CRISPLD2: variants seen among roughly 807,000 people sequenced by gnomAD.
CRISPLD2 encodes the protein cysteine-rich secretory protein LCCL domain-containing 2.
Under a neutral mutation model 71.1 loss-of-function variants are expected in CRISPLD2, and 47 were observed. The observed-to-expected ratio is 0.66, with a 90% CI of 0.52 to 0.84. CRISPLD2 has a LOEUF of 0.84. Ranked by LOEUF, CRISPLD2 falls within the 40% of genes least tolerant of loss-of-function variation. The pLI, the probability that CRISPLD2 is intolerant of heterozygous loss-of-function variation, is 0.00. For missense variants in CRISPLD2, 830 were observed against 651.1 expected (o/e 1.27, Z -2.99); for synonymous variants, 317 against 250.1 (o/e 1.27, Z -2.52).
chr16:84,906,701 T>C lies in CRISPLD2; in HGVS notation c.*59T>C. 1 of 1,590,218 alleles carries C rather than the reference T, an allele frequency of 6.3e-7. No homozygotes were observed. Among genetic ancestry groups the C allele is most frequent in the Non-Finnish European group, 8.6e-7 (1 of 1,158,362 alleles). ...GGAGGGCTTCGGGGTTTTGCTTTTA[T>C]TTTTATTTTGTCATTGCGGGGTATA... is the stretch of plus-strand genomic sequence containing the variant. On this transcript the variant is annotated 3_prime_UTR_variant, in exon 15 of 15. Transcript: ENST00000262424.
chr16:84,827,041 G>C (rs1010905002), intron 1 of CRISPLD2, among the ~76,000 whole-genome samples: 1 of 151,996 alleles, frequency 6.6e-6, no homozygotes, highest in African/African-American at 2.4e-5. Flanking sequence ...AGCCGTCTCT[G>C]TACCGGCAGA....
chr16:84,858,953 T>C (rs1917312868), intron 6 of CRISPLD2, among the ~76,000 whole-genome samples: 1 of 152,238 alleles, frequency 6.6e-6, no homozygotes, highest in Non-Finnish European at 1.5e-5. Flanking sequence ...AAGATCCATC[T>C]ATCTTCTGCA....
chr16:84,906,836 T>G lies in CRISPLD2; in HGVS notation c.*194T>G. On this transcript the variant is annotated 3_prime_UTR_variant, in exon 15 of 15. Coordinates refer to ENST00000262424, the MANE Select transcript of CRISPLD2 (RefSeq NM_031476.4). ...CTGAAGCAACAGCATCCCAAGGTGC[T>G]CAGCCGGACTCCCTGGTGCCTGATC... 2 of 689,998 alleles carry G rather than the reference T, an allele frequency of 2.9e-6. No homozygotes were observed. Among genetic ancestry groups the G allele is most frequent in the South Asian group, 3.2e-5 (2 of 62,560 alleles). The allele number at this position is 689,998 out of a possible 1,614,324, so 42.7% of individuals were successfully genotyped here. A position where few individuals can be genotyped will look rare whatever the true frequency, so the allele number is the denominator to read the frequency against.
chr16:84,864,214 G>A (rs181314693), intron 6 of CRISPLD2, among the ~76,000 whole-genome samples: 1 of 152,248 alleles, frequency 6.6e-6, no homozygotes, highest in Admixed American at 6.5e-5. Flanking sequence ...CCCCAGGCCC[G>A]TGCTGGGCCA....
chr16:84,844,891 C>A (rs1462795321), intron 2 of CRISPLD2, among the ~76,000 whole-genome samples: 1 of 152,170 alleles, frequency 6.6e-6, no homozygotes, highest in Non-Finnish European at 1.5e-5. Flanking sequence ...CATTACTGCT[C>A]ACAGTGAGGG....
chr16:84,831,945 G>A (rs1236278541), intron 1 of CRISPLD2, among the ~76,000 whole-genome samples: 1 of 152,172 alleles, frequency 6.6e-6, no homozygotes, highest in Admixed American at 6.5e-5. Context: ...ACATTGGCCA[G>A]GCTGCTCTTG....
intron 1 of CRISPLD2, 67 bp from the exon 2 acceptor site, chr16:84,838,355 C>A: frequency 2.9e-6 from 3 of 1,027,450 alleles, no homozygotes; most frequent in South Asian, 1.5e-5. Context: ...GCGTTCGCTG[C>A]TCCAGCCAGC....
chr16:84,869,669 C>T (rs988666780), intron 8 of CRISPLD2, among the ~76,000 whole-genome samples: 7 of 152,318 alleles, frequency 4.6e-5, no homozygotes, highest in South Asian at 2.1e-4. Flanking sequence ...TAAAACCTCG[C>T]GCTCAGTGTT....
intron 6 of CRISPLD2, among the ~76,000 whole-genome samples, chr16:84,857,669 G>A (rs1917278432): frequency 6.6e-6 from 1 of 152,180 alleles, no homozygotes; most frequent in African/African-American, 2.4e-5. Flanking sequence ...CCACTATCAG[G>A]TAGTGCCTGC....
Position 84,873,117 on chromosome 16 carries a change from C to A in CRISPLD2, c.1107C>A (p.Ser369=). ...AGTCTGAGAGACACGGCGTGCAGTC[C>A]CTCAGGTAACTACTCTGTGATCGGG... ...FVKSERHGVQ[S]LSKYKPSSSF... Residue 369 remains serine, a synonymous_variant, in exon 10 of 15, where the codon TCC becomes TCA. Transcript: ENST00000262424. 1.9e-6 allele frequency: 3 copies of A among 1,612,876 alleles called. No homozygotes were observed. Among genetic ancestry groups the A allele is most frequent in the South Asian group, 2.2e-5 (2 of 90,892 alleles).
chr16:84,884,820 GT>G (rs2071598190), intron 13 of CRISPLD2, among the ~76,000 whole-genome samples: 1 of 152,202 alleles, frequency 6.6e-6, no homozygotes, highest in African/African-American at 2.4e-5. Context: ...CAGGGACTGA[GT>G]CAAAGCACCG....
intron 14 of CRISPLD2, among the ~76,000 whole-genome samples, chr16:84,893,845 C>G (rs998208143): frequency 2.0e-5 from 3 of 152,222 alleles, no homozygotes; most frequent in African/African-American, 7.2e-5. Context: ...CCAATAGGGG[C>G]TGTGGAAACC....
chr16:84,859,131 C>G (rs1917317257), intron 6 of CRISPLD2, among the ~76,000 whole-genome samples: 1 of 152,170 alleles, frequency 6.6e-6, no homozygotes, highest in Non-Finnish European at 1.5e-5. Flanking sequence ...TTTGGCCTTT[C>G]CCACCATAAT....
intron 1 of CRISPLD2, chr16:84,828,302 T>C (rs1443705690): frequency 6.6e-6 from 1 of 152,178 alleles, no homozygotes; most frequent in Non-Finnish European, 1.5e-5. Flanking sequence ...TTCCTGGGAT[T>C]CTGTCACTGG....
At chr16:84,892,224 C>G (rs1170954965) in intron 14 of CRISPLD2, among the ~76,000 whole-genome samples, 1 of 152,214 alleles carries the variant, frequency 6.6e-6, no homozygotes, top group Non-Finnish European at 1.5e-5. Context: ...AGCACATCCT[C>G]CGGCCCCACC....
At chr16:84,903,945 G>C (rs2071778500) in intron 14 of CRISPLD2, among the ~76,000 whole-genome samples, 1 of 152,224 alleles carries the variant, frequency 6.6e-6, no homozygotes, top group African/African-American at 2.4e-5. Flanking sequence ...GGGTGGGGCT[G>C]TGCCATCCAG....
At chr16:84,857,215 C>T (rs1917264567) in intron 6 of CRISPLD2, among the ~76,000 whole-genome samples, 1 of 152,216 alleles carries the variant, frequency 6.6e-6, no homozygotes, top group Non-Finnish European at 1.5e-5. Context: ...CCACTCCTGC[C>T]AACACGGCTA....
intron 6 of CRISPLD2, among the ~76,000 whole-genome samples, chr16:84,857,397 C>T (rs1027837972): frequency 1.3e-5 from 2 of 152,210 alleles, no homozygotes; most frequent in African/African-American, 4.8e-5. Context: ...CGTGACCACT[C>T]AGAGAGATCC....
At chr16:84,874,033 C>A in intron 11 of CRISPLD2, 70 bp downstream of exon 11, 1 of 1,326,014 alleles carries the variant, frequency 7.5e-7, no homozygotes, top group Non-Finnish European at 1.1e-6. Flanking sequence ...AATTTCACTT[C>A]CTTTAGTCGC....
Sources: gnomAD v4.1 joint callset for allele counts (sites outside exome capture counted in the v4.1 genomes callset) on GRCh38, gnomAD v4.1.1 for gene constraint, MANE v1.5 for transcripts, NCBI Gene and HGNC (gene_info 2026-07-23, HGNC 2026-07-21) for gene names.